The following ROBO1 variants were observed in gnomAD, a reference collection of about 807,000 sequenced individuals.
ROBO1 encodes roundabout guidance receptor 1.
Under a neutral mutation model 195.9 loss-of-function variants are expected in ROBO1, and 149 were observed. The ratio of observed to expected loss-of-function variants is 0.76; its 90% confidence interval spans 0.67 to 0.87. ROBO1 has a LOEUF of 0.87. ROBO1 is among the 40% of genes least tolerant of loss of function. ROBO1 has a pLI of 0.00. For synonymous variants in ROBO1, 816 were observed against 733.2 expected, an observed-to-expected ratio of 1.11 and a Z score of -1.82; for missense variants, 1,933 against 2,068.3, an observed-to-expected ratio of 0.93 and a Z score of 1.27.
At chr3:79,618,582 A>C (rs1335090149) in intron 1 of ROBO1, among the ~76,000 whole-genome samples, 1 of 152,018 alleles carries the variant, frequency 6.6e-6, no homozygotes, top group Non-Finnish European at 1.5e-5. Flanking sequence ...TCCACTACTT[A>C]CCCAAATCCT....
intron 2 of ROBO1, among the ~76,000 whole-genome samples, chr3:79,342,038 A>C (rs1435947140): frequency 6.6e-6 from 1 of 152,204 alleles, no homozygotes; most frequent in Non-Finnish European, 1.5e-5. Context: ...AGGGAAACTC[A>C]AAGCCATGGA....
chr3:79,747,567 G>A (rs1237444146), intron 1 of ROBO1, among the ~76,000 whole-genome samples: 4 of 151,970 alleles, frequency 2.6e-5, no homozygotes, highest in East Asian at 1.9e-4. Context: ...AACAGAAAGC[G>A]GAGTTCCAGT....
rs546342227 is a variant in ROBO1 at position 79,109,600 on chromosome 3, C to T, written c.172+15856G>A. Among the ~76,000 whole-genome samples, 49 of 152,090 alleles carry T rather than the reference C, an allele frequency of 3.2e-4. 1 individual carries two copies. Among genetic ancestry groups the T allele is most frequent in the African/African-American group, 8.7e-4 (36 of 41,518 alleles). ...CATGTTTTTACACTTTTATTACTTA[C>T]GCATGGTTCTCTTATATCATCTGTA... On this transcript the variant is annotated intron_variant, in intron 3 of 30. Transcript: ENST00000464233.
intron 1 of ROBO1, among the ~76,000 whole-genome samples, chr3:79,700,288 C>CATGT (rs1553793249): frequency 1.2e-3 from 179 of 147,748 alleles, no homozygotes; most frequent in African/African-American, 4.3e-3. Flanking sequence ...GTGATGAACA[C>CATGT]GTGTGTGTGT....
chr3:79,555,508 T>C (rs1346284327), intron 2 of ROBO1, among the ~76,000 whole-genome samples: 2 of 152,152 alleles, frequency 1.3e-5, no homozygotes, highest in Non-Finnish European at 2.9e-5. Context: ...TTTACATTTA[T>C]GGAACAGTAG....
chr3:79,093,579 C>G (rs1051377385), intron 3 of ROBO1, among the ~76,000 whole-genome samples: 1 of 152,016 alleles, frequency 6.6e-6, no homozygotes, highest in South Asian at 2.1e-4. Flanking sequence ...CTCCTTATTG[C>G]TTACCCTCAG....
At chr3:79,736,815 T>A (rs893954775) in intron 1 of ROBO1, among the ~76,000 whole-genome samples, 4 of 152,188 alleles carry the variant, frequency 2.6e-5, no homozygotes, top group Non-Finnish European at 5.9e-5. Flanking sequence ...CATAGTTAAG[T>A]CTTTGTGACC....
chr3:79,198,645 C>T (rs141221600), intron 2 of ROBO1, among the ~76,000 whole-genome samples: 2,589 of 152,052 alleles, frequency 0.017, 51 homozygotes, highest in African/African-American at 0.055. Context: ...GTCATTTTCA[C>T]GATATTGATT....
At chr3:79,735,442 T>C (rs765900427) in intron 1 of ROBO1, among the ~76,000 whole-genome samples, 10 of 152,202 alleles carry the variant, frequency 6.6e-5, no homozygotes, top group Non-Finnish European at 1.2e-4. Context: ...CTGAAAGATA[T>C]GGGTTCAAAT....
Position 79,395,140 on chromosome 3 carries a change from G to A in ROBO1, c.88+194684C>T, listed in dbSNP as rs2037095684. On this transcript the variant is annotated intron_variant, in intron 2 of 30. Coordinates refer to ENST00000464233, the MANE Select transcript of ROBO1 (RefSeq NM_002941.4). ...AGATCAAGACCATCCTGGCTAACAT[G>A]GTGCAACCCCGTCTCCACTAAAAAT... Among the ~76,000 whole-genome samples, 4 of 151,766 alleles carry A rather than the reference G, an allele frequency of 2.6e-5. No individual in the cohort carries two copies. The South Asian group carries it at 8.3e-4, about 32-fold the overall frequency.
chr3:79,609,422 A>C (rs1423491077), intron 1 of ROBO1, among the ~76,000 whole-genome samples: 1 of 151,996 alleles, frequency 6.6e-6, no homozygotes, highest in Non-Finnish European at 1.5e-5. Context: ...AATGTGGCAG[A>C]CATTATAGAA....
chr3:79,008,888 CGTGTGTGTGTGTGTGTGTGTGTGTGT>C (rs375134341), intron 3 of ROBO1, among the ~76,000 whole-genome samples: 53 of 121,276 alleles, frequency 4.4e-4, no homozygotes, highest in African/African-American at 1.6e-3. Context: ...TGCACCCAGC[CGTGTGTGTGTGTGTGTGTGTGTGTGT>C]GTGTGTGTGT....
chr3:79,283,429 A>G (rs937911310), intron 2 of ROBO1, among the ~76,000 whole-genome samples: 3 of 152,250 alleles, frequency 2.0e-5, no homozygotes, highest in Admixed American at 6.5e-5. Flanking sequence ...AAGAATTTGT[A>G]CTGTATCACA....
chr3:78,963,764 G>A (rs1326077627), intron 3 of ROBO1, among the ~76,000 whole-genome samples: 1 of 151,866 alleles, frequency 6.6e-6, no homozygotes, highest in Non-Finnish European at 1.5e-5. Flanking sequence ...TGATCCACCC[G>A]CCTCGGCTTC....
intron 2 of ROBO1, among the ~76,000 whole-genome samples, chr3:79,417,188 T>C (rs1294873240): frequency 6.6e-6 from 1 of 152,112 alleles, no homozygotes; most frequent in Non-Finnish European, 1.5e-5. Context: ...TGATTCTAAG[T>C]CTAGATTGTA....
At chr3:78,650,157 C>A (rs916281068) in intron 19 of ROBO1, among the ~76,000 whole-genome samples, 1 of 152,072 alleles carries the variant, frequency 6.6e-6, no homozygotes, top group Non-Finnish European at 1.5e-5. Flanking sequence ...CAAAGACACC[C>A]AAAACCCCTT....
At chr3:79,243,302 A>G (rs1397247853) in intron 2 of ROBO1, among the ~76,000 whole-genome samples, 5 of 152,090 alleles carry the variant, frequency 3.3e-5, no homozygotes, top group African/African-American at 1.2e-4. Context: ...ATACGTGTGC[A>G]TGTGTCTTTA....
chr3:79,238,458 C>G (rs1273064431), intron 2 of ROBO1, among the ~76,000 whole-genome samples: 1 of 152,156 alleles, frequency 6.6e-6, no homozygotes, highest in Non-Finnish European at 1.5e-5. Context: ...GCTTCCTAAT[C>G]TTTTATATGG....
intron 4 of ROBO1, among the ~76,000 whole-genome samples, chr3:78,765,196 T>C (rs2083199278): frequency 6.6e-6 from 1 of 152,076 alleles, no homozygotes; most frequent in African/African-American, 2.4e-5. Context: ...TGACTGAATA[T>C]TGTTGTTTAA....
Sources: allele counts gnomAD v4.1 joint callset (sites outside exome capture counted in the v4.1 genomes callset), GRCh38; gene constraint gnomAD v4.1.1; transcripts MANE v1.5; gene names NCBI Gene and HGNC (gene_info 2026-07-23, HGNC 2026-07-21).